The following TUBGCP3 variants were observed in gnomAD, a reference collection of about 807,000 sequenced individuals.
The protein encoded by TUBGCP3 is gamma-tubulin complex component 3.
A neutral mutation model predicts 123.1 loss-of-function variants in TUBGCP3; 50 were observed. The ratio of observed to expected loss-of-function variants is 0.41; its 90% CI spans 0.32 to 0.51. The LOEUF (loss-of-function observed/expected upper bound fraction) is 0.51. Among genes scored for constraint, TUBGCP3 ranks in the 20% least tolerant of loss-of-function variants. The pLI is 0.36. For synonymous variants in TUBGCP3, 405 were observed against 413.9 expected (o/e 0.98, Z 0.26); for missense variants, 882 against 1,127.0 (o/e 0.78, Z 3.11).
chr13:112,576,967 A>T (rs1382033773), intron 1 of TUBGCP3, among the ~76,000 whole-genome samples: 1 of 149,682 alleles, frequency 6.7e-6, no homozygotes, highest in African/African-American at 2.5e-5. Context: ...GGTGGGGTGG[A>T]GGGAAAAAAA....
the TUBGCP3 span, among the ~76,000 whole-genome samples, chr13:112,597,639 G>T: frequency 6.6e-6 from 1 of 152,042 alleles, no homozygotes; most frequent in East Asian, 1.9e-4. Context: ...AAAAAAGCCA[G>T]TAGGAACTCT....
chr13:112,569,400 C>G (rs1196155362), intron 1 of TUBGCP3, 141 bp from the exon 2 acceptor site: 1 of 636,110 alleles, frequency 1.6e-6, no homozygotes, highest in African/African-American at 1.8e-5. Flanking sequence ...GACAGAAAAG[C>G]TATTAAGATA....
the TUBGCP3 span, among the ~76,000 whole-genome samples, chr13:112,593,411 C>CT: frequency 4.7e-4 from 72 of 152,094 alleles, 2 homozygotes; most frequent in South Asian, 0.015. Context: ...GAGAGAGAGA[C>CT]TTTATCTAAA....
chr13:112,550,549 G>A (rs1879476068), intron 8 of TUBGCP3, among the ~76,000 whole-genome samples: 1 of 152,222 alleles, frequency 6.6e-6, no homozygotes, highest in Non-Finnish European at 1.5e-5. Flanking sequence ...ACCGCCACGT[G>A]TCAGCCCCTG....
intron 17 of TUBGCP3, 28 bp downstream of exon 17, chr13:112,516,412 C>T (rs369559965): frequency 1.0e-5 from 16 of 1,562,990 alleles, no homozygotes; most frequent in East Asian, 2.3e-5. Flanking sequence ...GGAGTGTGTG[C>T]GGACCCGTGA....
At chr13:112,520,785 T>C (rs1342892380) in intron 14 of TUBGCP3, among the ~76,000 whole-genome samples, 1 of 152,202 alleles carries the variant, frequency 6.6e-6, no homozygotes, top group Non-Finnish European at 1.5e-5. Context: ...GTTACTGATA[T>C]CTGCTTTTAT....
At chr13:112,547,446 A>C in intron 10 of TUBGCP3, 174 bp downstream of exon 10, 1 of 1,147,560 alleles carries the variant, frequency 8.7e-7, no homozygotes, top group Non-Finnish European at 1.1e-6. Flanking sequence ...CAGGACACAA[A>C]AGCAAGCCTG....
chr13:112,558,403 T>C lies in TUBGCP3; in HGVS notation c.341A>G (p.Tyr114Cys), dbSNP rs570462961. The C allele has an allele frequency of 3.2e-6, 5 of 1,562,418 alleles. No individual in the cohort carries two copies. Among genetic ancestry groups the C allele is most frequent in the East Asian group, 4.6e-5 (2 of 43,870 alleles). The change falls in exon 5 of 22, where the codon TAT (tyrosine) becomes TGT (cysteine). Residue 114 changes from tyrosine to cysteine, a missense_variant. This residue lies in a region of TUBGCP3 where 713 missense variants were observed against 874.0 expected (regional missense o/e 0.82). Transcript: ENST00000261965. ...PRRQPSKVSS[Y>C]ATLFAQALPR... Reference sequence around the variant, plus strand: ...TAAGGCCTGAGCAAATAACGTAGCATAGCTAGAAACCTGAAAAGAGAAACA... The same window carrying C: ...TAAGGCCTGAGCAAATAACGTAGCACAGCTAGAAACCTGAAAAGAGAAACA...
intron 8 of TUBGCP3, among the ~76,000 whole-genome samples, chr13:112,551,494 C>T (rs1289203900): frequency 5.3e-5 from 8 of 152,194 alleles, no homozygotes; most frequent in African/African-American, 1.9e-4. Context: ...TGAGAGCACA[C>T]GCTGGCTCTT....
At chr13:112,530,909 C>T (rs1030753152) in intron 11 of TUBGCP3, among the ~76,000 whole-genome samples, 10 of 152,052 alleles carry the variant, frequency 6.6e-5, no homozygotes, top group Non-Finnish European at 1.5e-4. Flanking sequence ...CTTATGTGAT[C>T]AACATTGTTT....
chr13:112,581,337 T>C (rs1882261793), intron 1 of TUBGCP3, among the ~76,000 whole-genome samples: 1 of 151,950 alleles, frequency 6.6e-6, no homozygotes, highest in Admixed American at 6.6e-5. Flanking sequence ...GGGTAGTTTT[T>C]TTCTCCTTAT....
chr13:112,605,003 A>C, the TUBGCP3 span: 6 of 152,184 alleles, frequency 3.9e-5, no homozygotes, highest in African/African-American at 1.4e-4. Context: ...AGAAAGTAAA[A>C]GCCATTCTAA....
At chr13:112,582,373 C>A (rs570488624) in intron 1 of TUBGCP3, among the ~76,000 whole-genome samples, 1 of 152,194 alleles carries the variant, frequency 6.6e-6, no homozygotes, top group Non-Finnish European at 1.5e-5. Context: ...CACATAAGTA[C>A]CCAAGGCAGA....
In TUBGCP3 at chr13:112,545,448, C is replaced by T. The variant is rs1296886251; in HGVS notation, c.1335+251G>A. On this transcript the variant is annotated intron_variant, in intron 11 of 21. Coordinates refer to ENST00000261965, the MANE Select transcript of TUBGCP3 (RefSeq NM_006322.6). This position sits in a 1 kb window ranked among gnomAD's most constrained non-coding sequence, Gnocchi z 4.1. ...CCATCCACGTGCTAGTAAACTCGGACGAGTGATTCCACCTTGCTGAGGAAT... is the reference window on the plus strand; with the variant it reads ...CCATCCACGTGCTAGTAAACTCGGATGAGTGATTCCACCTTGCTGAGGAAT... The T allele has an allele frequency of 3.1e-5, 13 of 417,978 alleles. No individual in the cohort carries two copies. In the Admixed American group the frequency reaches 4.2e-4, roughly 14 times the overall value. 25.9% of individuals were successfully genotyped at this position (417,978 alleles called of 1,614,324 possible).
chr13:112,485,938 C>T lies in TUBGCP3; in HGVS notation c.*55G>A, dbSNP rs1470995045. The T allele has an allele frequency of 7.1e-6, 9 of 1,267,632 alleles. No individual in the cohort carries two copies. The highest frequency in any genetic ancestry group is 3.0e-5 in the African/African-American group (2 of 67,750). 78.5% of individuals were successfully genotyped at this position (1,267,632 alleles called of 1,614,324 possible). A position where few individuals can be genotyped will look rare whatever the true frequency, so the allele number is the denominator to read the frequency against. On this transcript the variant is annotated 3_prime_UTR_variant, in exon 22 of 22. Coordinates refer to ENST00000261965, the MANE Select transcript of TUBGCP3 (RefSeq NM_006322.6). The stretch of plus-strand genomic sequence containing the variant: ...TCCTGCAGGACGTCAATGGGAATTT[C>T]GTGTCTAGCAGTGCAACGAACATCA...
chr13:112,501,533 T>C (rs1293032526), intron 19 of TUBGCP3, among the ~76,000 whole-genome samples: 3 of 152,208 alleles, frequency 2.0e-5, no homozygotes, highest in African/African-American at 7.2e-5. Context: ...CACAAAAACA[T>C]GCACAGCCTC....
chr13:112,512,427 C>CAA (rs35550857), intron 17 of TUBGCP3, among the ~76,000 whole-genome samples: 816 of 38,036 alleles, frequency 0.021, 39 homozygotes, highest in African/African-American at 0.062. Context: ...GACTCTGTCT[C>CAA]AAAAAAAAAA....
chr13:112,498,916 G>T (rs752333934), intron 20 of TUBGCP3, 129 bp downstream of exon 20: 2 of 1,613,728 alleles, frequency 1.2e-6, no homozygotes, highest in African/African-American at 1.3e-5. Context: ...GACTTCAAAC[G>T]CAGTATAGGC....
intron 11 of TUBGCP3, among the ~76,000 whole-genome samples, chr13:112,541,220 C>T (rs994636167): frequency 2.6e-5 from 4 of 152,130 alleles, no homozygotes; most frequent in Non-Finnish European, 4.4e-5. Flanking sequence ...ATAAAGAACT[C>T]GCGGTACCTT....
Sources: allele counts gnomAD v4.1 joint callset (sites outside exome capture counted in the v4.1 genomes callset), GRCh38; gene constraint gnomAD v4.1.1; regional missense constraint gnomAD v4.1.1; non-coding constraint Gnocchi (gnomAD v3.1); transcripts MANE v1.5; gene names NCBI Gene and HGNC (gene_info 2026-07-23, HGNC 2026-07-21).